The following RBFOX1 variants were observed in gnomAD, a reference collection of about 807,000 sequenced individuals.
RBFOX1 encodes RNA binding protein fox-1 homolog 1.
RBFOX1 carries 8 observed loss-of-function variants against 57.7 expected under a neutral mutation model. The observed-to-expected ratio is 0.14, with a 90% confidence interval of 0.08 to 0.25. The LOEUF is 0.25. Among genes scored for constraint, RBFOX1 ranks in the 10% least tolerant of loss-of-function variants. The pLI, the probability that RBFOX1 is intolerant of heterozygous loss-of-function variation, is 1.00. For missense variants in RBFOX1, 611 were observed against 548.5 expected (o/e 1.11, Z -1.14); for synonymous variants, 326 against 222.4 (o/e 1.47, Z -4.15).
chr16:6,936,060 G>A (rs189094785), intron 3 of RBFOX1, among the ~76,000 whole-genome samples: 3 of 152,158 alleles, frequency 2.0e-5, no homozygotes, highest in Admixed American at 2.0e-4. Context: ...TATTTTGCCT[G>A]CGTCAGGCTG....
intron 1 of RBFOX1, among the ~76,000 whole-genome samples, chr16:6,299,460 G>A (rs1302178901): frequency 1.3e-5 from 2 of 152,124 alleles, no homozygotes; most frequent in Non-Finnish European, 2.9e-5. Flanking sequence ...CAGAGAGGTC[G>A]AGTAACTTGC....
At chr16:5,965,180 G>A (rs1018670913) in intron 4 of RBFOX1, among the ~76,000 whole-genome samples, 12 of 152,262 alleles carry the variant, frequency 7.9e-5, no homozygotes, top group African/African-American at 2.6e-4. Context: ...ATACCACACA[G>A]TATAAGTTTT....
chr16:7,668,057 G>T (rs147498346), intron 13 of RBFOX1, among the ~76,000 whole-genome samples: 1 of 152,290 alleles, frequency 6.6e-6, no homozygotes, highest in East Asian at 1.9e-4. Flanking sequence ...GATACTGTCA[G>T]ATTCTTCCTG....
intron 4 of RBFOX1, among the ~76,000 whole-genome samples, chr16:5,927,832 G>T (rs2152241286): frequency 6.6e-6 from 1 of 152,264 alleles, no homozygotes. Context: ...TATGCTAAGT[G>T]AAATAAGCTA....
At chr16:6,192,647 G>T (rs1184852658) in intron 1 of RBFOX1, among the ~76,000 whole-genome samples, 1 of 152,104 alleles carries the variant, frequency 6.6e-6, no homozygotes, top group Non-Finnish European at 1.5e-5. Flanking sequence ...TTTATATCTT[G>T]AGTCTACCAT....
intron 4 of RBFOX1, among the ~76,000 whole-genome samples, chr16:7,228,401 C>G (rs2093285945): frequency 6.6e-6 from 1 of 152,138 alleles, no homozygotes; most frequent in South Asian, 2.1e-4. Flanking sequence ...CTAAGATTTG[C>G]TTAATGAAAA....
At chr16:5,366,579 T>A (rs2065722416) in intron 1 of RBFOX1, 2 of 384,876 alleles carry the variant, frequency 5.2e-6, no homozygotes, top group Admixed American at 6.6e-5. Context: ...TAGAAAAAGG[T>A]GATTCTTTTC....
chr16:5,917,720 T>G (rs769423010), intron 4 of RBFOX1, among the ~76,000 whole-genome samples: 1 of 152,154 alleles, frequency 6.6e-6, no homozygotes, highest in Non-Finnish European at 1.5e-5. Flanking sequence ...TGACATAACC[T>G]CTCCCTTGCT....
At chr16:5,638,100 A>G (rs1009331982) in intron 3 of RBFOX1, among the ~76,000 whole-genome samples, 1 of 152,236 alleles carries the variant, frequency 6.6e-6, no homozygotes, top group South Asian at 2.1e-4. Flanking sequence ...AAAATATTAC[A>G]GAGAAGTTCC....
intron 3 of RBFOX1, among the ~76,000 whole-genome samples, chr16:6,756,495 C>T (rs1296024431): frequency 6.6e-6 from 1 of 151,910 alleles, no homozygotes; most frequent in Admixed American, 6.6e-5. Context: ...AGCTTTGGCA[C>T]AACAAAGGAA....
chr16:7,270,138 G>C (rs1446661325), intron 4 of RBFOX1, among the ~76,000 whole-genome samples: 1 of 152,174 alleles, frequency 6.6e-6, no homozygotes, highest in Non-Finnish European at 1.5e-5. Flanking sequence ...GCTAAGATGG[G>C]AACCCAGTGT....
At chr16:7,669,848 G>A (rs2070782081) in intron 13 of RBFOX1, among the ~76,000 whole-genome samples, 1 of 152,112 alleles carries the variant, frequency 6.6e-6, no homozygotes, top group Admixed American at 6.5e-5. Flanking sequence ...GGTGGCTGAG[G>A]ATTGGCATTT....
intron 2 of RBFOX1, among the ~76,000 whole-genome samples, chr16:6,329,438 G>C (rs1473461785): frequency 2.0e-5 from 3 of 152,190 alleles, no homozygotes; most frequent in Non-Finnish European, 4.4e-5. Flanking sequence ...CATCTCAACT[G>C]TGGAGTCTAC....
At chr16:6,465,618 G>GTGTGTGTGTT (rs2153071358) in intron 2 of RBFOX1, among the ~76,000 whole-genome samples, 1 of 151,456 alleles carries the variant, frequency 6.6e-6, no homozygotes, top group East Asian at 2.0e-4. Flanking sequence ...GTGTGTGTGT[G>GTGTGTGTGTT]TGTGTGTGTG....
intron 2 of RBFOX1, among the ~76,000 whole-genome samples, chr16:6,381,200 A>C (rs1308877641): frequency 6.6e-6 from 1 of 152,180 alleles, no homozygotes; most frequent in African/African-American, 2.4e-5. Context: ...TTATAGATTT[A>C]AGATGTGTAA....
chr16:6,473,062 C>T (rs1266216977), intron 2 of RBFOX1, among the ~76,000 whole-genome samples: 1 of 152,126 alleles, frequency 6.6e-6, no homozygotes, highest in Non-Finnish European at 1.5e-5. Context: ...CCATGATTAC[C>T]TATGTACCTC....
In RBFOX1 at chr16:7,362,403, GTA is replaced by G. The variant is rs1355477624; in HGVS notation, c.28-155740_28-155739del. ...TGTGTTAATGTGTGTGTGATTGTGTGTATATGTTTTGTGTGTATGCGTTAGTG... is the reference window on the plus strand; with the variant it reads ...TGTGTTAATGTGTGTGTGATTGTGTGTATGTTTTGTGTGTATGCGTTAGTG... On this transcript the variant is annotated intron_variant, in intron 4 of 15. Transcript: ENST00000550418. 3.3e-5 allele frequency among the ~76,000 whole-genome samples: 5 copies of G among 151,638 alleles called. No individual in the cohort carries two copies. The South Asian group carries it at 8.3e-4, about 25-fold the overall frequency.
At chr16:5,969,332 A>G (rs1449380613) in intron 4 of RBFOX1, among the ~76,000 whole-genome samples, 1 of 120,030 alleles carries the variant, frequency 8.3e-6, no homozygotes, top group African/African-American at 3.2e-5. Flanking sequence ...TTGGTTTGGA[A>G]ATGGAGTCTC....
In RBFOX1 at chr16:6,797,485, G is replaced by A. The variant is rs189782926; in HGVS notation, c.-16+142835G>A. On this transcript the variant is annotated intron_variant, in intron 3 of 15. Coordinates refer to ENST00000550418, the MANE Select transcript of RBFOX1 (RefSeq NM_018723.4). ...AAACACATATATCCTGTTTCCCCCA[G>A]TACAAGCCTAATGTTGCTGATTTCA... 5.1e-4 allele frequency among the ~76,000 whole-genome samples: 77 copies of A among 152,266 alleles called. 1 individual carries two copies. Among genetic ancestry groups the A allele is most frequent in the Admixed American group, 5.0e-3 (76 of 15,280 alleles).
Sources: allele counts gnomAD v4.1 joint callset (sites outside exome capture counted in the v4.1 genomes callset), GRCh38; gene constraint gnomAD v4.1.1; transcripts MANE v1.5; gene names NCBI Gene and HGNC (gene_info 2026-07-23, HGNC 2026-07-21).